The following IQGAP2 variants were observed in gnomAD, a reference collection of about 807,000 sequenced individuals.
IQGAP2 encodes IQ motif containing GTPase activating protein 2.
A neutral mutation model predicts 201.3 loss-of-function variants in IQGAP2; 173 were observed. The ratio of observed to expected loss-of-function variants is 0.86; its 90% CI spans 0.76 to 0.98. The LOEUF is 0.98. IQGAP2 is among the 50% of genes least tolerant of loss of function. The pLI is 0.00. For synonymous variants in IQGAP2, 675 were observed against 673.9 expected, an observed-to-expected ratio of 1.00 and a Z score of -0.03; for missense variants, 1,687 against 1,864.8, an observed-to-expected ratio of 0.90 and a Z score of 1.76.
At chr5:76,468,090 G>A (rs1006953737) in intron 2 of IQGAP2, among the ~76,000 whole-genome samples, 12 of 152,140 alleles carry the variant, frequency 7.9e-5, no homozygotes, top group African/African-American at 2.4e-4. Flanking sequence ...TACTTTAAAA[G>A]GGAGAATTGT....
intron 2 of IQGAP2, among the ~76,000 whole-genome samples, chr5:76,560,274 C>G (rs1052901787): frequency 6.6e-6 from 1 of 151,880 alleles, no homozygotes; most frequent in Non-Finnish European, 1.5e-5. Flanking sequence ...TACCTCAACC[C>G]CCTGAGTAAC....
Position 76,473,530 on chromosome 5 carries a change from G to A in IQGAP2, c.146+11861G>A, listed in dbSNP as rs529156044. ...TTTTCAATTAAAATAAAATAGAGATGAGATCTCACTATGTTGCTTAGGCTG... is the reference window on the plus strand; with the variant it reads ...TTTTCAATTAAAATAAAATAGAGATAAGATCTCACTATGTTGCTTAGGCTG... On this transcript the variant is annotated intron_variant, in intron 2 of 35. Coordinates refer to ENST00000274364, the MANE Select transcript of IQGAP2 (RefSeq NM_006633.5). Among the ~76,000 whole-genome samples, 12 of 152,180 alleles carry A rather than the reference G, an allele frequency of 7.9e-5. No individual in the cohort carries two copies. The South Asian group carries it at 2.1e-3, about 26-fold the overall frequency.
At chr5:76,620,099 A>T (rs1261222904) in intron 13 of IQGAP2, among the ~76,000 whole-genome samples, 2 of 152,166 alleles carry the variant, frequency 1.3e-5, no homozygotes, top group Non-Finnish European at 2.9e-5. Flanking sequence ...CCAGAAATAT[A>T]ATCTGTTATT....
At chr5:76,647,168 A>C (rs1426636465) in intron 17 of IQGAP2, among the ~76,000 whole-genome samples, 1 of 152,162 alleles carries the variant, frequency 6.6e-6, no homozygotes, top group Non-Finnish European at 1.5e-5. Context: ...TTCTTCCGTA[A>C]ATACAACTAA....
At chr5:76,557,945 T>A (rs987066498) in intron 2 of IQGAP2, among the ~76,000 whole-genome samples, 32 of 152,194 alleles carry the variant, frequency 2.1e-4, no homozygotes, top group Non-Finnish European at 4.1e-4. Context: ...TAGCTGGGAC[T>A]GCAGGTGCCC....
At chr5:76,434,366 C>T (rs1168842452) in intron 1 of IQGAP2, among the ~76,000 whole-genome samples, 2 of 152,050 alleles carry the variant, frequency 1.3e-5, no homozygotes, top group Non-Finnish European at 2.9e-5. Flanking sequence ...TTCTGAGTCT[C>T]CAAAGTCCAT....
chr5:76,446,102 G>C (rs1356013349), intron 1 of IQGAP2, among the ~76,000 whole-genome samples: 1 of 152,102 alleles, frequency 6.6e-6, no homozygotes, highest in Non-Finnish European at 1.5e-5. Flanking sequence ...GTGGACTCTT[G>C]AGTTGCTTCT....
chr5:76,633,645 A>G (rs572804125), intron 15 of IQGAP2, among the ~76,000 whole-genome samples: 56 of 152,276 alleles, frequency 3.7e-4, no homozygotes, highest in Middle Eastern at 3.4e-3. Flanking sequence ...TAATTCCAGA[A>G]CATTTTCATC....
At chr5:76,457,443 C>T (rs992129543) in intron 1 of IQGAP2, among the ~76,000 whole-genome samples, 4 of 152,182 alleles carry the variant, frequency 2.6e-5, no homozygotes, top group African/African-American at 9.7e-5. Flanking sequence ...TTATGCCAAA[C>T]TTTCAATTGT....
chr5:76,408,567 G>A (rs1038135767), intron 1 of IQGAP2, among the ~76,000 whole-genome samples: 2 of 152,118 alleles, frequency 1.3e-5, no homozygotes, highest in Non-Finnish European at 2.9e-5. Flanking sequence ...GTGTCTTTAA[G>A]TAGTTTGTCA....
chr5:76,686,569 G>C (rs1745773423), intron 30 of IQGAP2, among the ~76,000 whole-genome samples: 1 of 152,094 alleles, frequency 6.6e-6, no homozygotes, highest in South Asian at 2.1e-4. Context: ...GAGTGCAGTG[G>C]CATGATCTCG....
chr5:76,588,546 T>C (rs571532051), intron 5 of IQGAP2, among the ~76,000 whole-genome samples: 1 of 152,364 alleles, frequency 6.6e-6, no homozygotes, highest in African/African-American at 2.4e-5. Context: ...TTCAATAAAA[T>C]AAGAATTATG....
intron 13 of IQGAP2, among the ~76,000 whole-genome samples, chr5:76,619,356 T>C (rs1240746399): frequency 5.9e-5 from 9 of 152,136 alleles, no homozygotes; most frequent in Admixed American, 6.5e-5. Context: ...TCACAGATGA[T>C]GGGATTGCAC....
intron 2 of IQGAP2, among the ~76,000 whole-genome samples, chr5:76,522,182 A>AT (rs11400963): frequency 0.59 from 84,619 of 144,592 alleles, 24,911 homozygotes; most frequent in East Asian, 0.92. Context: ...TATCCCTAGA[A>AT]TTTTTTTTTT....
intron 1 of IQGAP2, among the ~76,000 whole-genome samples, chr5:76,458,853 C>T (rs1435683630): frequency 2.0e-5 from 3 of 152,216 alleles, no homozygotes; most frequent in East Asian, 3.9e-4. Flanking sequence ...CTTTGGGAGC[C>T]TTTCCCGATA....
rs1236684528 is a variant in IQGAP2 at position 76,588,957 on chromosome 5, C to G, written c.510C>G (p.Gly170=). ...GIAPQIQDLL[G]KVDFTEEEIS... is the part of the protein sequence containing the mutation. ...CACCCCAGATCCAGGATTTGTTGGGCAAAGTAGACTTCACAGGTACTACTC... is the reference window on the plus strand; with the variant it reads ...CACCCCAGATCCAGGATTTGTTGGGGAAAGTAGACTTCACAGGTACTACTC... Residue 170 remains glycine (G), a synonymous_variant, in exon 6 of 36, where the codon GGC becomes GGG. Coordinates refer to ENST00000274364, the MANE Select transcript of IQGAP2 (RefSeq NM_006633.5). The G allele has an allele frequency of 6.2e-7, 1 of 1,605,116 alleles. No individual in the cohort carries two copies. The highest frequency in any genetic ancestry group is 1.7e-5 in the Admixed American group (1 of 59,876).
chr5:76,428,817 G>A (rs1177773648), intron 1 of IQGAP2, among the ~76,000 whole-genome samples: 1 of 151,806 alleles, frequency 6.6e-6, no homozygotes, highest in Non-Finnish European at 1.5e-5. Flanking sequence ...TCTCAGCCAG[G>A]TGTGGTGGCT....
intron 1 of IQGAP2, among the ~76,000 whole-genome samples, chr5:76,456,177 G>C (rs1356349696): frequency 6.6e-6 from 1 of 152,174 alleles, no homozygotes; most frequent in Non-Finnish European, 1.5e-5. Flanking sequence ...TATAGAAATG[G>C]ATGAGACTCG....
At chr5:76,475,211 G>A (rs1755345221) in intron 2 of IQGAP2, among the ~76,000 whole-genome samples, 2 of 152,200 alleles carry the variant, frequency 1.3e-5, no homozygotes, top group South Asian at 2.1e-4. Context: ...GGTGAGGAGG[G>A]TGGAGGCATG....
Sources: allele counts gnomAD v4.1 joint callset (sites outside exome capture counted in the v4.1 genomes callset), GRCh38; gene constraint gnomAD v4.1.1; transcripts MANE v1.5; gene names NCBI Gene and HGNC (gene_info 2026-07-23, HGNC 2026-07-21).